KDM1B: variants seen among roughly 807,000 people sequenced by gnomAD.
KDM1B encodes lysine-specific histone demethylase 2.
Under a neutral mutation model 107.4 loss-of-function variants are expected in KDM1B, and 63 were observed. That is an observed-to-expected ratio of 0.59 (90% CI 0.48 to 0.72). The LOEUF (loss-of-function observed/expected upper bound fraction) is 0.72. Among genes scored for constraint, KDM1B ranks in the 30% least tolerant of loss-of-function variants. KDM1B has a pLI of 0.00. For missense variants in KDM1B, 749 were observed against 1,020.8 expected, an observed-to-expected ratio of 0.73 and a Z score of 3.63; for synonymous variants, 363 against 363.9, an observed-to-expected ratio of 1.00 and a Z score of 0.03.
At chr6:18,184,870 G>T (rs1249448475) in intron 7 of KDM1B, among the ~76,000 whole-genome samples, 1 of 148,644 alleles carries the variant, frequency 6.7e-6, no homozygotes, top group Admixed American at 6.8e-5. Flanking sequence ...CGAGTAGTTG[G>T]AAGTACAGGC....
rs1789939941 is a variant in KDM1B, at chr6:18,223,417, A to G, written c.*1425A>G. 6.8e-6 allele frequency: 1 copy of G among 146,262 alleles called. No homozygotes were observed. The allele number at this position is 146,262 out of a possible 1,614,324, so 9.1% of individuals were successfully genotyped here. On this transcript the variant is annotated 3_prime_UTR_variant, in exon 22 of 22. Coordinates refer to ENST00000650836, the MANE Select transcript of KDM1B (RefSeq NM_001364614.2). ...ATATCTCAAAAGTTAACCCAAGACA[A>G]CTCTGATATTTAGGTTATTTGTTGA...
Position 18,159,968 on chromosome 6 carries a change from A to C in KDM1B, c.73A>C (p.Ser25Arg). ...TTCTCCGGATAGCCTTCCTTTGAGG[A>C]GCTCCGGTAGGCAGGTAGTGTTCAT... ...DHSPDSLPLR[S>R]SGRQAKKKAT... Residue 25 changes from serine (S) to arginine (R), a missense_variant, in exon 3 of 22, where the codon AGC (serine) becomes CGC (arginine). Ser to Arg is a moderately radical substitution (Grantham distance 110). Coordinates refer to ENST00000650836, the MANE Select transcript of KDM1B (RefSeq NM_001364614.2). The surrounding 1 kb of genome is among the most constrained non-coding windows in gnomAD (Gnocchi z 4.5). The C allele has an allele frequency of 1.2e-6, 2 of 1,604,708 alleles. No individual in the cohort carries two copies. Among genetic ancestry groups the C allele is most frequent in the South Asian group, 1.1e-5 (1 of 88,648 alleles).
chr6:18,178,317 C>A (rs1040980150), intron 7 of KDM1B, among the ~76,000 whole-genome samples: 2 of 152,072 alleles, frequency 1.3e-5, no homozygotes, highest in African/African-American at 4.8e-5. Context: ...AACTCCTGAA[C>A]TCAGGTGATC....
chr6:18,198,650 A>AAC (rs1554147611), intron 12 of KDM1B, among the ~76,000 whole-genome samples: 1 of 141,688 alleles, frequency 7.1e-6, no homozygotes, highest in African/African-American at 2.8e-5. Context: ...AAAAAAAAAA[A>AAC]AAAAAAACAA....
chr6:18,222,803 C>CA lies in KDM1B; in HGVS notation c.*818dup, dbSNP rs1340877309. On this transcript the variant is annotated 3_prime_UTR_variant, in exon 22 of 22. Coordinates refer to ENST00000650836, the MANE Select transcript of KDM1B (RefSeq NM_001364614.2). ...TATCCTTAATTTTGGCAACCACTAG[C>CA]AAAAAAACTTGTCAGAATAATTTAA... 5 of 152,610 alleles carry CA rather than the reference C, an allele frequency of 3.3e-5. No individual in the cohort carries two copies. In the South Asian group the frequency reaches 6.2e-4, roughly 19 times the overall value. The allele number at this position is 152,610 out of a possible 1,614,324, so 9.5% of individuals were successfully genotyped here.
intron 5 of KDM1B, among the ~76,000 whole-genome samples, chr6:18,165,013 A>C (rs4716226): frequency 0.16 from 24,255 of 151,390 alleles, 2,469 homozygotes; most frequent in East Asian, 0.35. Context: ...TTTAATCTGT[A>C]TGTTTATGCT....
At position 18,159,451 on chromosome 6, in the gene KDM1B, T is replaced by A. The variant is rs1473156649; in HGVS notation, c.-13-432T>A. 6.6e-6 allele frequency among the ~76,000 whole-genome samples: 1 copy of A among 152,230 alleles called. No homozygotes were observed. Among genetic ancestry groups the A allele is most frequent in the Non-Finnish European group, 1.5e-5 (1 of 68,032 alleles). ...CTCATTTTGTATCTTTTAATGTGCA[T>A]AACTACTAATAGGTAATGTTTATTG... On this transcript the variant is annotated intron_variant, in intron 2 of 21. Coordinates refer to ENST00000650836, the MANE Select transcript of KDM1B (RefSeq NM_001364614.2). This position sits in a 1 kb window ranked among gnomAD's most constrained non-coding sequence, Gnocchi z 4.5.
intron 8 of KDM1B, among the ~76,000 whole-genome samples, 163 bp from the exon 9 acceptor site, chr6:18,187,629 C>A (rs1228393011): frequency 6.6e-6 from 1 of 152,114 alleles, no homozygotes; most frequent in Admixed American, 6.5e-5. Context: ...GTTTCTACAT[C>A]TGTGTGTGTA....
At position 18,209,644 on chromosome 6, in the gene KDM1B, C is replaced by G. The variant is rs565041026; in HGVS notation, c.1866+1438C>G. Among the ~76,000 whole-genome samples the G allele has an allele frequency of 4.3e-4, 65 of 152,244 alleles. No individual in the cohort carries two copies. The highest frequency in any genetic ancestry group is 1.5e-3 in the African/African-American group (62 of 41,536). ...TTTCAGAGACAGGGTCTCAGTCTGT[C>G]GCCCAGGCTGGAGTGCAGTGGCACA... On this transcript the variant is annotated intron_variant, in intron 17 of 21. Transcript: ENST00000650836. This position sits in a 1 kb window ranked among gnomAD's most constrained non-coding sequence, Gnocchi z 4.3.
Position 18,201,107 on chromosome 6 carries a change from A to G in KDM1B, c.1360-379A>G, listed in dbSNP as rs959353497. Among the ~76,000 whole-genome samples the G allele has an allele frequency of 1.3e-5, 2 of 152,190 alleles. No individual in the cohort carries two copies. The highest frequency in any genetic ancestry group is 2.9e-5 in the Non-Finnish European group (2 of 68,046). On this transcript the variant is annotated intron_variant, in intron 13 of 21. Transcript: ENST00000650836. This position sits in a 1 kb window ranked among gnomAD's most constrained non-coding sequence, Gnocchi z 4.3. ...TTTCTGAAATGTTTATTGATGGTCA[A>G]TTCAATTTCAACTTCTGCTATGAGT...
Position 18,166,853 on chromosome 6 carries a change from C to CA in KDM1B, c.417+488dup, listed in dbSNP as rs770821976. Among the ~76,000 whole-genome samples, 789 of 128,284 alleles carry CA rather than the reference C, an allele frequency of 6.2e-3. 1 individual carries two copies. Among genetic ancestry groups the CA allele is most frequent in the African/African-American group, 8.6e-3 (299 of 34,662 alleles). The allele number at this position is 128,284 out of a possible 152,430, so 84.2% of individuals were successfully genotyped here. On this transcript the variant is annotated intron_variant, in intron 6 of 21. Coordinates refer to ENST00000650836, the MANE Select transcript of KDM1B (RefSeq NM_001364614.2). The stretch of plus-strand genomic sequence containing the variant: ...TGGATGACAGAGTGAGAGGCTGTCT[C>CA]AAAAAAAAAAAAATGGTTTTAAAAA...
rs1561949551 is a variant in KDM1B, at chr6:18,208,617, A to G, written c.1866+411A>G. Among the ~76,000 whole-genome samples the G allele has an allele frequency of 4.3e-4, 15 of 34,938 alleles. 2 individuals carry two copies. The South Asian group carries it at 8.6e-3, about 20-fold the overall frequency. 22.9% of individuals were successfully genotyped at this position (34,938 alleles called of 152,430 possible). A position where few individuals can be genotyped will look rare whatever the true frequency, so the allele number is the denominator to read the frequency against. ...AGTATGTGTATGTATATATATATAT[A>G]TATATATATATTTTTTTTTTTTTTT... On this transcript the variant is annotated intron_variant, in intron 17 of 21. Transcript: ENST00000650836.
chr6:18,185,245 C>T (rs1786778646), intron 7 of KDM1B, among the ~76,000 whole-genome samples: 3 of 151,096 alleles, frequency 2.0e-5, no homozygotes, highest in South Asian at 2.1e-4. Flanking sequence ...TGTTATATGC[C>T]TTTATTTTCC....
intron 6 of KDM1B, among the ~76,000 whole-genome samples, chr6:18,170,860 G>T (rs2150820777): frequency 6.7e-6 from 1 of 149,522 alleles, no homozygotes; most frequent in East Asian, 2.0e-4. Context: ...TTGCTCCGTT[G>T]CCCAGGCTGG....
rs1052681177 is a variant in KDM1B at position 18,205,856 on chromosome 6, G to A, written c.1659+192G>A. On this transcript the variant is annotated intron_variant, in intron 15 of 21. Coordinates refer to ENST00000650836, the MANE Select transcript of KDM1B (RefSeq NM_001364614.2). This position sits in a 1 kb window ranked among gnomAD's most constrained non-coding sequence, Gnocchi z 5.7. ...AAATACAAAAAATTAGCCAGGCCTG[G>A]TGGCGCATACCTGTAGTCCCAGCTA... Among the ~76,000 whole-genome samples the A allele has an allele frequency of 3.3e-5, 5 of 152,144 alleles. No homozygotes were observed. Among genetic ancestry groups the A allele is most frequent in the African/African-American group, 1.2e-4 (5 of 41,434 alleles).
At chr6:18,196,316 C>T (rs1036062259) in intron 10 of KDM1B, among the ~76,000 whole-genome samples, 2 of 152,112 alleles carry the variant, frequency 1.3e-5, no homozygotes, top group African/African-American at 2.4e-5. Context: ...CTTTGACGTG[C>T]TGATTCATTT....
chr6:18,205,027 A>G lies in KDM1B; in HGVS notation c.1532-510A>G, dbSNP rs1156633650. Among the ~76,000 whole-genome samples the G allele has an allele frequency of 6.6e-6, 1 of 152,208 alleles. No individual in the cohort carries two copies. The highest frequency in any genetic ancestry group is 2.4e-5 in the African/African-American group (1 of 41,442). ...TAGATATGGAGGCGGAGTGCTGACA[A>G]GATACAAGCCCATAATGGAATATTC... On this transcript the variant is annotated intron_variant, in intron 14 of 21. Coordinates refer to ENST00000650836, the MANE Select transcript of KDM1B (RefSeq NM_001364614.2). This position sits in a 1 kb window ranked among gnomAD's most constrained non-coding sequence, Gnocchi z 5.7.
chr6:18,198,648 A>AC (rs899173221), intron 12 of KDM1B, among the ~76,000 whole-genome samples: 10 of 141,432 alleles, frequency 7.1e-5, no homozygotes, highest in African/African-American at 2.5e-4. Context: ...AAAAAAAAAA[A>AC]AAAAAAAAAC....
intron 9 of KDM1B, among the ~76,000 whole-genome samples, chr6:18,190,767 G>T (rs1787227407): frequency 6.6e-6 from 1 of 152,004 alleles, no homozygotes; most frequent in South Asian, 2.1e-4. Flanking sequence ...AGATGTGGTG[G>T]CGAGCACCTG....
Sources: allele counts gnomAD v4.1 joint callset (sites outside exome capture counted in the v4.1 genomes callset), GRCh38; gene constraint gnomAD v4.1.1; non-coding constraint Gnocchi (gnomAD v3.1); transcripts MANE v1.5; gene names NCBI Gene and HGNC (gene_info 2026-07-23, HGNC 2026-07-21).